ART5: variants seen among roughly 807,000 people sequenced by gnomAD.
The protein encoded by ART5 is ecto-ADP-ribosyltransferase 5.
In ART5, 22 loss-of-function variants were observed where a neutral mutation model predicts 25.0. The observed-to-expected ratio is 0.88, with a 90% CI of 0.63 to 1.26. The LOEUF is 1.26. Ranked by LOEUF, ART5 falls within the 50% of genes most tolerant of loss-of-function variation. The probability of loss-of-function intolerance (pLI) is 0.00; values close to 1 mark genes in which losing one functional copy is unlikely to be tolerated. For synonymous variants in ART5, 161 were observed against 154.8 expected, an observed-to-expected ratio of 1.04 and a Z score of -0.30; for missense variants, 402 against 372.8, an observed-to-expected ratio of 1.08 and a Z score of -0.64.
Position 3,639,986 on chromosome 11 carries a change from C to CT in ART5, c.442_443insA (p.Gly148GlufsTer21). ...CTCCCCAGGTCCCCTGCTGCAGCCC[C>CT]CACTGCCTCGCAGCAGCTGCAGGGC... On this transcript the variant is annotated frameshift_variant, in exon 2 of 4. Transcript: ENST00000397068. LOFTEE classifies it high-confidence loss of function. 1 of 1,614,186 alleles carries CT rather than the reference C, an allele frequency of 6.2e-7. No individual in the cohort carries two copies. Among genetic ancestry groups the CT allele is most frequent in the Non-Finnish European group, 8.5e-7 (1 of 1,180,042 alleles).
intron 2 of ART5, among the ~76,000 whole-genome samples, chr11:3,639,305 C>T (rs534604847): frequency 6.6e-6 from 1 of 152,304 alleles, no homozygotes; most frequent in South Asian, 2.1e-4. Context: ...TCAGCCCCAT[C>T]GAGCCCAGGG....
intron 1 of ART5, 112 bp from the exon 2 acceptor site, chr11:3,640,483 TATCAGG>T: frequency 7.5e-7 from 1 of 1,336,080 alleles, no homozygotes; most frequent in Non-Finnish European, 9.9e-7. Flanking sequence ...TATCCCTAAA[TATCAGG>T]TATATGCAAT....
At chr11:3,639,150 A>C in intron 2 of ART5, 115 bp from the exon 3 acceptor site, 1 of 1,176,174 alleles carries the variant, frequency 8.5e-7, no homozygotes, top group Non-Finnish European at 1.2e-6. Context: ...CCCTTCACCT[A>C]AAGGGAAACT....
Position 3,640,272 on chromosome 11 carries a change from G to A in ART5, c.157C>T (p.Leu53=), listed in dbSNP as rs755782074. The change falls in exon 2 of 4, where the codon CTG becomes TTG. Residue 53 remains leucine, a synonymous_variant. Coordinates refer to ENST00000397068, the MANE Select transcript of ART5 (RefSeq NM_053017.5). The stretch of plus-strand genomic sequence containing the variant: ...TGGTGGGCCATTTCCTCCTTTAGCA[G>A]GGGGGCTGCCTTCTCCTCCATCTCC... The part of the protein sequence containing the change: ...AEEMEEKAAP[L]LKEEMAHHAL... The A allele has an allele frequency of 1.2e-6, 2 of 1,613,502 alleles. No individual in the cohort carries two copies. Among genetic ancestry groups the A allele is most frequent in the African/African-American group, 1.3e-5 (1 of 75,064 alleles).
chr11:3,642,297 C>T, upstream of ART5: 11 of 1,014,762 alleles, frequency 1.1e-5, no homozygotes, highest in Non-Finnish European at 1.3e-5. Flanking sequence ...TAACTGTAGC[C>T]CCCGCGCTGG....
Position 3,640,350 on chromosome 11 carries a change from G to A in ART5, c.79C>T (p.Pro27Ser), listed in dbSNP as rs573509326. The A allele has an allele frequency of 5.5e-6, 8 of 1,465,426 alleles. No individual in the cohort carries two copies. Among genetic ancestry groups the A allele is most frequent in the Non-Finnish European group, 6.3e-6 (7 of 1,109,810 alleles). 90.8% of individuals were successfully genotyped at this position (1,465,426 alleles called of 1,614,324 possible). A position where few individuals can be genotyped will look rare whatever the true frequency, so the allele number is the denominator to read the frequency against. ...AAGGTGTCTGGAGCCAGGCCCAGGG[G>A]CAGGATGGGAACAGCCTGGGCCTGT... ...TWQAQAVPIL[P>S]LGLAPDTFDD... Residue 27 changes from proline to serine, a missense_variant, in exon 2 of 4, where the codon CCC (proline) becomes TCC (serine). Physicochemically the swap from Pro to Ser is moderately conservative, Grantham distance 74. Coordinates refer to ENST00000397068, the MANE Select transcript of ART5 (RefSeq NM_053017.5).
chr11:3,642,096 C>G (rs1256831497), upstream of ART5: 11 of 1,398,614 alleles, frequency 7.9e-6, no homozygotes, highest in Non-Finnish European at 1.0e-5. Flanking sequence ...AGCCTCCAGT[C>G]TGGGGACCTT....
intron 1 of ART5, 119 bp from the exon 2 acceptor site, chr11:3,640,490 T>A: frequency 7.6e-7 from 1 of 1,314,054 alleles, no homozygotes; most frequent in South Asian, 1.6e-5. Flanking sequence ...AAATATCAGG[T>A]ATATGCAATT....
intron 2 of ART5, 46 bp downstream of exon 2, chr11:3,639,596 T>A: frequency 6.4e-7 from 1 of 1,552,278 alleles, no homozygotes; most frequent in Non-Finnish European, 8.7e-7. Flanking sequence ...CATCCTGGCT[T>A]ATTTCACCCA....
At chr11:3,642,289 A>C, upstream of ART5, 1 of 1,021,584 alleles carries the variant, frequency 9.8e-7, no homozygotes, top group Non-Finnish European at 1.2e-6. Flanking sequence ...CTCGAGGCTA[A>C]CTGTAGCCCC....
In ART5 at chr11:3,641,836, G is replaced by A. The variant is rs770921189; in HGVS notation, c.27C>T (p.Ala9=). The change falls in exon 1 of 4, where the codon GCC becomes GCT. Residue 9 remains alanine, a synonymous_variant. Coordinates refer to ENST00000397068, the MANE Select transcript of ART5 (RefSeq NM_053017.5). The part of the protein sequence containing the change: MALAALMI[A]LGSLGLHTWQ... ...AGGTGTGGAGGCCGAGGCTGCCGAG[G>A]GCGATCATCAAAGCCGCCAGCGCCA... is the stretch of plus-strand genomic sequence containing the variant. 106 of 1,578,966 alleles carry A rather than the reference G, an allele frequency of 6.7e-5. No homozygotes were observed. The highest frequency in any genetic ancestry group is 8.1e-5 in the Non-Finnish European group (94 of 1,163,386).
chr11:3,641,934 G>A lies in ART5; in HGVS notation c.-72C>T. The A allele has an allele frequency of 6.5e-7, 1 of 1,537,978 alleles. No homozygotes were observed. The highest frequency in any genetic ancestry group is 8.7e-7 in the Non-Finnish European group (1 of 1,144,646). ...AGAGGTGCTGGAGTCCTGGTTTCGA[G>A]GGGCTGGAGGCAGATCTGGACCCTG... On this transcript the variant is annotated 5_prime_UTR_variant, in exon 1 of 4. Coordinates refer to ENST00000397068, the MANE Select transcript of ART5 (RefSeq NM_053017.5).
upstream of ART5, chr11:3,642,253 C>T (rs947051057): frequency 1.5e-4 from 162 of 1,064,398 alleles, no homozygotes; most frequent in African/African-American, 1.0e-4. Context: ...CCGGAGGAGT[C>T]CGGAGTCCGG....
At chr11:3,639,557 C>G in intron 2 of ART5, 85 bp downstream of exon 2, 1 of 1,505,040 alleles carries the variant, frequency 6.6e-7, no homozygotes, top group Non-Finnish European at 8.8e-7. Flanking sequence ...GTGGGTCTCC[C>G]GAAGGCCCCG....
At chr11:3,642,142 C>T, upstream of ART5, 5 of 1,284,664 alleles carry the variant, frequency 3.9e-6, no homozygotes, top group Non-Finnish European at 3.9e-6. Context: ...AGTTTGGCTC[C>T]GCCTGAGAGG....
chr11:3,641,729 G>A (rs971462962), intron 1 of ART5, 77 bp downstream of exon 1: 22 of 1,542,484 alleles, frequency 1.4e-5, no homozygotes, highest in Non-Finnish European at 1.9e-5. Context: ...GATGTGAGGA[G>A]TCAGCCCCGG....
At chr11:3,642,149 GA>G (rs1334206206), upstream of ART5, 2 of 1,290,334 alleles carry the variant, frequency 1.5e-6, no homozygotes, top group African/African-American at 3.0e-5. Context: ...CTCCGCCTGA[GA>G]GGGGAGGGCC....
rs1378855444 is a variant in ART5, at chr11:3,639,930, A to G, written c.499T>C (p.Phe167Leu). The change falls in exon 2 of 4, where the codon TTT (phenylalanine) becomes CTT (leucine). Residue 167 changes from phenylalanine to leucine, a missense_variant. Physicochemically the swap from Phe to Leu is conservative, Grantham distance 22 (BLOSUM62 0). Transcript: ENST00000397068. ...VVFRGVGSLR[F>L]EPKRLGDSVR... ...GAGTCTCCCAGCCTCTTGGGTTCAA[A>G]GCGAAGGCTGCCCACACCTCGGAAC... The G allele has an allele frequency of 6.8e-6, 11 of 1,614,060 alleles. No homozygotes were observed. The highest frequency in any genetic ancestry group is 1.6e-4 in the Middle Eastern group (1 of 6,084).
Position 3,638,553 on chromosome 11 carries a change from A to C in ART5, c.*185T>G. 2.9e-6 allele frequency: 2 copies of C among 679,868 alleles called. No individual in the cohort carries two copies. Among genetic ancestry groups the C allele is most frequent in the Non-Finnish European group, 5.1e-6 (2 of 392,406 alleles). The allele number at this position is 679,868 out of a possible 1,614,324, so 42.1% of individuals were successfully genotyped here. The stretch of plus-strand genomic sequence containing the variant: ...ATTTAATCACGTAGCTACCTCAATA[A>C]AACTCCATGTCTCCACATTGCAACA... On this transcript the variant is annotated 3_prime_UTR_variant, in exon 4 of 4. Coordinates refer to ENST00000397068, the MANE Select transcript of ART5 (RefSeq NM_053017.5).
Sources: allele counts gnomAD v4.1 joint callset (sites outside exome capture counted in the v4.1 genomes callset), GRCh38; gene constraint gnomAD v4.1.1; transcripts MANE v1.5; gene names NCBI Gene and HGNC (gene_info 2026-07-23, HGNC 2026-07-21).